ABLIM2: variants seen among roughly 807,000 people sequenced by gnomAD.
The protein encoded by ABLIM2 is actin-binding LIM protein 2.
ABLIM2 carries 53 observed loss-of-function variants against 97.7 expected under a neutral mutation model. The observed-to-expected ratio is 0.54, with a 90% CI of 0.44 to 0.68. The LOEUF is 0.68. ABLIM2 is among the 30% of genes least tolerant of loss of function. ABLIM2 has a pLI of 0.00. For missense variants in ABLIM2, 835 were observed against 867.2 expected, an observed-to-expected ratio of 0.96 and a Z score of 0.47; for synonymous variants, 361 against 345.8, an observed-to-expected ratio of 1.04 and a Z score of -0.49.
chr4:7,991,059 T>C (rs4696727), intron 17 of ABLIM2, among the ~76,000 whole-genome samples: 67,842 of 152,020 alleles, frequency 0.45, 15,936 homozygotes, highest in African/African-American at 0.6. Flanking sequence ...AGGAGAAACA[T>C]ATTCACAGAA....
At chr4:8,139,452 G>A (rs1850649251) in intron 1 of ABLIM2, among the ~76,000 whole-genome samples, 2 of 152,134 alleles carry the variant, frequency 1.3e-5, no homozygotes, top group Middle Eastern at 3.4e-3. Flanking sequence ...GCCATGAAGA[G>A]ACACTTCACA....
At chr4:8,115,505 T>C (rs1025650247) in intron 1 of ABLIM2, among the ~76,000 whole-genome samples, 3 of 152,122 alleles carry the variant, frequency 2.0e-5, no homozygotes, top group Admixed American at 2.0e-4. Context: ...GATGAACCTA[T>C]GCATCTCACT....
chr4:8,110,875 G>A (rs1002195591), intron 1 of ABLIM2, among the ~76,000 whole-genome samples: 3 of 152,218 alleles, frequency 2.0e-5, no homozygotes, highest in Admixed American at 2.0e-4. Context: ...CCTCCAGCTG[G>A]CCCTTCCTGC....
Position 8,032,895 on chromosome 4 carries a change from C to A in ABLIM2, c.1048-3119G>T. Among the ~76,000 whole-genome samples, 1 of 152,106 alleles carries A rather than the reference C, an allele frequency of 6.6e-6. No individual in the cohort carries two copies. The highest frequency in any genetic ancestry group is 1.9e-4 in the East Asian group (1 of 5,200). On this transcript the variant is annotated intron_variant, in intron 10 of 20. Transcript: ENST00000447017. The surrounding 1 kb of genome is among the most constrained non-coding windows in gnomAD (Gnocchi z 4.3). ...GTTAATTCTTCCCAGAGAAAGAGGC[C>A]CCCGGGGAAACTGATTTCGTGCCAA...
At chr4:8,066,827 C>G (rs1204850643) in intron 6 of ABLIM2, 1 of 152,174 alleles carries the variant, frequency 6.6e-6, no homozygotes, top group Non-Finnish European at 1.5e-5. Flanking sequence ...CTAGAGAGAA[C>G]TGGAAGTTGC....
rs1293815696 is a variant in ABLIM2 at position 7,986,813 on chromosome 4, CA to C, written c.1681-1921del. ...TCAGCCTCCTGAGCAGCTGGGATTA[CA>C]GGCGCCTACCACCACGGCGAGATAA... On this transcript the variant is annotated intron_variant, in intron 17 of 20. Coordinates refer to ENST00000447017, the MANE Select transcript of ABLIM2 (RefSeq NM_001130083.2). This position sits in a 1 kb window ranked among gnomAD's most constrained non-coding sequence, Gnocchi z 4.3. Among the ~76,000 whole-genome samples the C allele has an allele frequency of 6.6e-6, 1 of 152,152 alleles. No individual in the cohort carries two copies. Among genetic ancestry groups the C allele is most frequent in the Non-Finnish European group, 1.5e-5 (1 of 68,016 alleles).
chr4:8,135,431 G>A (rs897904955), intron 1 of ABLIM2, among the ~76,000 whole-genome samples: 2 of 152,210 alleles, frequency 1.3e-5, no homozygotes, highest in African/African-American at 4.8e-5. Context: ...GTTAGGACGT[G>A]AGGCCTTCGG....
chr4:8,121,776 C>A (rs1425629649), intron 1 of ABLIM2, among the ~76,000 whole-genome samples: 4 of 152,234 alleles, frequency 2.6e-5, no homozygotes, highest in Non-Finnish European at 5.9e-5. Flanking sequence ...CGCTGAGTGA[C>A]TGCAGGGCAC....
intron 1 of ABLIM2, among the ~76,000 whole-genome samples, chr4:8,156,848 C>G (rs1036119612): frequency 6.6e-6 from 1 of 152,236 alleles, no homozygotes; most frequent in African/African-American, 2.4e-5. Context: ...TGTCTGCTCT[C>G]CCCCACTGTG....
rs189504927 is a variant in ABLIM2 at position 7,978,528 on chromosome 4, G to T, written c.1824+4736C>A. Among the ~76,000 whole-genome samples the T allele has an allele frequency of 2.3e-3, 344 of 152,326 alleles. 3 individuals carry two copies. The highest frequency in any genetic ancestry group is 7.7e-3 in the African/African-American group (318 of 41,568). Reference sequence around the variant, plus strand: ...TGCTGTGAGTCCCAACAGGCCCCTGGACGCTGCTGCTGGGCCAGGAGCTGC... The same window carrying T: ...TGCTGTGAGTCCCAACAGGCCCCTGTACGCTGCTGCTGGGCCAGGAGCTGC... On this transcript the variant is annotated intron_variant, in intron 20 of 20. Coordinates refer to ENST00000447017, the MANE Select transcript of ABLIM2 (RefSeq NM_001130083.2).
intron 3 of ABLIM2, 40 bp downstream of exon 3, chr4:8,097,059 A>G: frequency 6.4e-7 from 1 of 1,569,274 alleles, no homozygotes; most frequent in South Asian, 1.2e-5. Flanking sequence ...AAAGGCCCAG[A>G]GAGGCAGGGG....
rs1287125111 is a variant in ABLIM2 at position 8,132,008 on chromosome 4, C to CGCATCCCCTGCACGGCAGCCT, written c.11-25392_11-25372dup. ...AGCCCGCATCCCCTGCACAGCAGCC[C>CGCATCCCCTGCACGGCAGCCT]GCATCCCCTGCACGGCAGCCTGCAT... is the stretch of plus-strand genomic sequence containing the variant. On this transcript the variant is annotated intron_variant, in intron 1 of 20. Transcript: ENST00000447017. This position sits in a 1 kb window ranked among gnomAD's most constrained non-coding sequence, Gnocchi z 8.0. 2.0e-5 allele frequency among the ~76,000 whole-genome samples: 3 copies of CGCATCCCCTGCACGGCAGCCT among 150,930 alleles called. No individual in the cohort carries two copies. Among genetic ancestry groups the CGCATCCCCTGCACGGCAGCCT allele is most frequent in the East Asian group, 3.9e-4 (2 of 5,154 alleles).
At position 8,095,776 on chromosome 4, in the gene ABLIM2, G is replaced by A. The variant is rs1025271642; in HGVS notation, c.338+1323C>T. 3.9e-5 allele frequency among the ~76,000 whole-genome samples: 6 copies of A among 152,174 alleles called. No homozygotes were observed. The highest frequency in any genetic ancestry group is 9.6e-5 in the African/African-American group (4 of 41,538). On this transcript the variant is annotated intron_variant, in intron 3 of 20. Coordinates refer to ENST00000447017, the MANE Select transcript of ABLIM2 (RefSeq NM_001130083.2). This position sits in a 1 kb window ranked among gnomAD's most constrained non-coding sequence, Gnocchi z 4.7. ...CTGTTTTGTCTTCTGGATGAGACGCGACCTTTTGGTGTCCACACTGCATGC... is the reference window on the plus strand; with the variant it reads ...CTGTTTTGTCTTCTGGATGAGACGCAACCTTTTGGTGTCCACACTGCATGC...
intron 3 of ABLIM2, among the ~76,000 whole-genome samples, chr4:8,090,108 C>T (rs1826321525): frequency 6.6e-6 from 1 of 152,194 alleles, no homozygotes; most frequent in African/African-American, 2.4e-5. Context: ...CTGAGCTGAA[C>T]CCAGGGCCCT....
rs1813238081 is a variant in ABLIM2 at position 8,072,885 on chromosome 4, G to T, written c.675+4743C>A. Reference sequence around the variant, plus strand: ...AAGGCCCCTGGGGAAGTAGGGAGGGGTCGGTAAGAGGAGGCTTAAAGGCCT... The same window carrying T: ...AAGGCCCCTGGGGAAGTAGGGAGGGTTCGGTAAGAGGAGGCTTAAAGGCCT... On this transcript the variant is annotated intron_variant, in intron 6 of 20. Coordinates refer to ENST00000447017, the MANE Select transcript of ABLIM2 (RefSeq NM_001130083.2). The surrounding 1 kb of genome is among the most constrained non-coding windows in gnomAD (Gnocchi z 5.8). Among the ~76,000 whole-genome samples the T allele has an allele frequency of 6.6e-6, 1 of 152,186 alleles. No homozygotes were observed. The highest frequency in any genetic ancestry group is 2.4e-5 in the African/African-American group (1 of 41,436).
At chr4:8,030,529 T>C (rs1415648374) in intron 10 of ABLIM2, among the ~76,000 whole-genome samples, 1 of 152,204 alleles carries the variant, frequency 6.6e-6, no homozygotes, top group Non-Finnish European at 1.5e-5. Context: ...ATGGCTCCCC[T>C]GGCCTGTCAG....
At position 8,072,279 on chromosome 4, in the gene ABLIM2, T is replaced by C. The variant is rs762506871; in HGVS notation, c.675+5349A>G. 2.0e-5 allele frequency among the ~76,000 whole-genome samples: 3 copies of C among 152,144 alleles called. No homozygotes were observed. Among genetic ancestry groups the C allele is most frequent in the Non-Finnish European group, 4.4e-5 (3 of 68,030 alleles). On this transcript the variant is annotated intron_variant, in intron 6 of 20. Coordinates refer to ENST00000447017, the MANE Select transcript of ABLIM2 (RefSeq NM_001130083.2). The surrounding 1 kb of genome is among the most constrained non-coding windows in gnomAD (Gnocchi z 5.8). Reference sequence around the variant, plus strand: ...GCATTAAATATCAGGGATGCTTACATTGCAGACATGGGACGCTTGCCTCCC... The same window carrying C: ...GCATTAAATATCAGGGATGCTTACACTGCAGACATGGGACGCTTGCCTCCC...
In ABLIM2 at chr4:8,043,242, G is replaced by A. The variant is rs767105030; in HGVS notation, c.900+1922C>T. 9.9e-5 allele frequency among the ~76,000 whole-genome samples: 15 copies of A among 152,150 alleles called. No individual in the cohort carries two copies. The highest frequency in any genetic ancestry group is 1.3e-4 in the Non-Finnish European group (9 of 68,024). On this transcript the variant is annotated intron_variant, in intron 9 of 20. Transcript: ENST00000447017. This position sits in a 1 kb window ranked among gnomAD's most constrained non-coding sequence, Gnocchi z 4.8. ...GTCACCTAAAACTTTGATTAAATAC[G>A]TCTGTCATGCTTTTCTCTTGTGAAC...
At chr4:8,153,177 G>A (rs993577979) in intron 1 of ABLIM2, among the ~76,000 whole-genome samples, 7 of 152,132 alleles carry the variant, frequency 4.6e-5, no homozygotes, top group African/African-American at 1.7e-4. Context: ...CGAGCTCAGA[G>A]GTCTCCCGTG....
Sources: allele counts gnomAD v4.1 joint callset (sites outside exome capture counted in the v4.1 genomes callset), GRCh38; gene constraint gnomAD v4.1.1; non-coding constraint Gnocchi (gnomAD v3.1); transcripts MANE v1.5; gene names NCBI Gene and HGNC (gene_info 2026-07-23, HGNC 2026-07-21).